SLC44A3: variants seen among roughly 807,000 people sequenced by gnomAD.
SLC44A3 encodes choline transporter-like protein 3.
SLC44A3 carries 74 observed loss-of-function variants against 75.4 expected under a neutral mutation model. That is an observed-to-expected ratio of 0.98 (90% CI 0.81 to 1.19). The LOEUF (loss-of-function observed/expected upper bound fraction) is 1.19, where lower values mean the gene tolerates loss of function less well. SLC44A3 is among the 50% of genes most tolerant of loss of function. SLC44A3 has a pLI of 0.00. For missense variants in SLC44A3, 700 were observed against 778.6 expected (o/e 0.90, Z 1.20); for synonymous variants, 310 against 296.9 (o/e 1.04, Z -0.45).
At chr1:94,865,691 A>T (rs1416306513) in intron 11 of SLC44A3, among the ~76,000 whole-genome samples, 1 of 152,110 alleles carries the variant, frequency 6.6e-6, no homozygotes, top group Non-Finnish European at 1.5e-5. Context: ...CACAATGTTA[A>T]TCTCTTCCCC....
chr1:94,891,904 C>G (rs981416231), intron 13 of SLC44A3, among the ~76,000 whole-genome samples: 3 of 152,112 alleles, frequency 2.0e-5, no homozygotes, highest in African/African-American at 4.8e-5. Context: ...GCCTGGGCAA[C>G]AGAACGAGAC....
intron 7 of SLC44A3, among the ~76,000 whole-genome samples, chr1:94,840,402 G>A (rs1328021726): frequency 6.9e-6 from 1 of 143,940 alleles, no homozygotes; most frequent in East Asian, 2.1e-4. Context: ...CGATCCCCCT[G>A]TCTCAGCCCC....
chr1:94,854,528 T>A (rs1180911344), intron 9 of SLC44A3, among the ~76,000 whole-genome samples: 5 of 152,202 alleles, frequency 3.3e-5, no homozygotes, highest in Admixed American at 3.3e-4. Flanking sequence ...AAAGCAACTG[T>A]CATGTGATGA....
intron 1 of SLC44A3, 73 bp from the exon 2 acceptor site, chr1:94,820,876 A>C (rs1247679740): frequency 1.4e-6 from 2 of 1,396,242 alleles, no homozygotes; most frequent in East Asian, 5.0e-5. Flanking sequence ...CTCTTCGAGT[A>C]GATTTGGGTT....
intron 5 of SLC44A3, among the ~76,000 whole-genome samples, chr1:94,832,167 TA>T (rs1028132936): frequency 1.3e-5 from 2 of 150,644 alleles, no homozygotes. Context: ...AGACTCCATC[TA>T]AAAAAAAAGA....
rs1476048772 is a variant in SLC44A3 at position 94,892,180 on chromosome 1, C to T, written c.1621-101C>T. ...CATTCTTTACAATAGTGCACACACA[C>T]GTTGCACACAGGAACGTATATTAAA... On this transcript the variant is annotated intron_variant, in intron 13 of 14. Transcript: ENST00000271227. The T allele has an allele frequency of 4.8e-6, 5 of 1,051,184 alleles. No individual in the cohort carries two copies. In the African/African-American group the frequency reaches 4.8e-5, roughly 10 times the overall value. 65.1% of individuals were successfully genotyped at this position (1,051,184 alleles called of 1,614,324 possible). A position where few individuals can be genotyped will look rare whatever the true frequency, so the allele number is the denominator to read the frequency against.
intron 12 of SLC44A3, among the ~76,000 whole-genome samples, chr1:94,871,251 A>C (rs1245713970): frequency 6.6e-6 from 1 of 152,178 alleles, no homozygotes; most frequent in Non-Finnish European, 1.5e-5. Context: ...GGGAAAGGTG[A>C]AGGAGCAATG....
intron 9 of SLC44A3, among the ~76,000 whole-genome samples, chr1:94,848,641 G>C (rs1283876040): frequency 6.6e-6 from 1 of 152,122 alleles, no homozygotes; most frequent in African/African-American, 2.4e-5. Flanking sequence ...AGAAGTATTT[G>C]GTGGGCACTG....
chr1:94,849,284 G>T (rs1571274239), intron 9 of SLC44A3, among the ~76,000 whole-genome samples: 1 of 152,296 alleles, frequency 6.6e-6, no homozygotes, highest in East Asian at 1.9e-4. Flanking sequence ...GGACCTATGG[G>T]AGGCATCTAT....
chr1:94,820,832 T>A (rs1557789264), intron 1 of SLC44A3, 117 bp from the exon 2 acceptor site: 3 of 1,317,722 alleles, frequency 2.3e-6, no homozygotes, highest in Non-Finnish European at 3.0e-6. Context: ...ATATTAATTT[T>A]AAAAATTTAG....
At chr1:94,865,812 T>A (rs1164651268) in intron 11 of SLC44A3, among the ~76,000 whole-genome samples, 1 of 152,218 alleles carries the variant, frequency 6.6e-6, no homozygotes, top group African/African-American at 2.4e-5. Context: ...TACCAATAGG[T>A]TTACATTGTA....
chr1:94,879,969 G>A (rs541057651), intron 12 of SLC44A3, among the ~76,000 whole-genome samples: 10 of 152,098 alleles, frequency 6.6e-5, no homozygotes, highest in African/African-American at 1.9e-4. Context: ...TCAAAACTGC[G>A]ATATATCACC....
chr1:94,872,683 T>C (rs1308443010), intron 12 of SLC44A3, among the ~76,000 whole-genome samples: 2 of 152,212 alleles, frequency 1.3e-5, no homozygotes, highest in African/African-American at 4.8e-5. Context: ...AAGGGTTAGA[T>C]TCAGTGACCC....
intron 5 of SLC44A3, 24 bp from the exon 6 acceptor site, chr1:94,837,687 C>T (rs529669356): frequency 2.0e-6 from 3 of 1,528,988 alleles, no homozygotes; most frequent in East Asian, 2.4e-5. Flanking sequence ...AACATTTTTG[C>T]CATCTTTTTT....
At chr1:94,875,902 G>T (rs116121481) in intron 12 of SLC44A3, among the ~76,000 whole-genome samples, 445 of 152,322 alleles carry the variant, frequency 2.9e-3, no homozygotes, top group African/African-American at 0.01. Flanking sequence ...AATATGCTGA[G>T]GGAGACTGCC....
Position 94,861,753 on chromosome 1 carries a change from G to A in SLC44A3, c.1239-2990G>A, listed in dbSNP as rs76331355. On this transcript the variant is annotated intron_variant, in intron 10 of 14. Coordinates refer to ENST00000271227, the MANE Select transcript of SLC44A3 (RefSeq NM_001114106.3). ...CATTCATTTATGCACTACGAGGGCT[G>A]AAGAGTTCATACAAATACCATCAGG... Among the ~76,000 whole-genome samples, 2,261 of 152,304 alleles carry A rather than the reference G, an allele frequency of 0.015. 214 individuals are homozygous for A. The East Asian group carries it at 0.22, about 15-fold the overall frequency.
At chr1:94,821,112 T>TA (rs1660514008) in intron 2 of SLC44A3, 56 bp downstream of exon 2, 1 of 1,360,406 alleles carries the variant, frequency 7.4e-7, no homozygotes, top group East Asian at 2.6e-5. Flanking sequence ...CGTCTGGAAA[T>TA]AACTCTGTCC....
At chr1:94,848,553 G>A (rs1244592944) in intron 9 of SLC44A3, among the ~76,000 whole-genome samples, 1 of 152,222 alleles carries the variant, frequency 6.6e-6, no homozygotes, top group African/African-American at 2.4e-5. Flanking sequence ...CTTGTTGGCT[G>A]TGAATCTGGA....
rs1670624107 is a variant in SLC44A3 at position 94,895,046 on chromosome 1, C to T, written c.*124C>T. The T allele has an allele frequency of 3.1e-6, 2 of 649,894 alleles. No homozygotes were observed. The highest frequency in any genetic ancestry group is 5.5e-5 in the East Asian group (2 of 36,316). 40.3% of individuals were successfully genotyped at this position (649,894 alleles called of 1,614,324 possible). On this transcript the variant is annotated 3_prime_UTR_variant, in exon 15 of 15. Transcript: ENST00000271227. ...TTTAAAAGACCTAATAAACCCTATTCTTCCTCATTGTCTTTGTCATTATTG... is the reference window on the plus strand; with the variant it reads ...TTTAAAAGACCTAATAAACCCTATTTTTCCTCATTGTCTTTGTCATTATTG...
Sources: gnomAD v4.1 joint callset for allele counts (sites outside exome capture counted in the v4.1 genomes callset) on GRCh38, gnomAD v4.1.1 for gene constraint, MANE v1.5 for transcripts, NCBI Gene and HGNC (gene_info 2026-07-23, HGNC 2026-07-21) for gene names.